NXN: variants seen among roughly 807,000 people sequenced by gnomAD.
NXN encodes the protein nucleoredoxin 1.
NXN carries 16 observed loss-of-function variants against 48.6 expected under a neutral mutation model. The ratio of observed to expected loss-of-function variants is 0.33; its 90% CI spans 0.22 to 0.50. NXN has a LOEUF of 0.50. Among genes scored for constraint, NXN ranks in the 20% least tolerant of loss-of-function variants. NXN has a pLI of 0.98. For missense variants in NXN, 492 were observed against 605.5 expected, an observed-to-expected ratio of 0.81 and a Z score of 1.97; for synonymous variants, 281 against 269.6, an observed-to-expected ratio of 1.04 and a Z score of -0.41.
intron 1 of NXN, among the ~76,000 whole-genome samples, chr17:946,234 TCCCTGCTCACTGCAAGCTCCGCCTCCC>T (rs1567513819): frequency 4.8e-5 from 3 of 62,858 alleles, no homozygotes; most frequent in East Asian, 8.2e-4. Context: ...CTCCCGGGGA[TCCCTGCTCACTGCAAGCTCCGCCTCCC>T]GGGTTCAAGC....
chr17:838,123 C>CTTATTTTT (rs1196301886), intron 1 of NXN, among the ~76,000 whole-genome samples: 4 of 125,928 alleles, frequency 3.2e-5, no homozygotes, highest in East Asian at 2.9e-4. Context: ...TTTTCCTTTC[C>CTTATTTTT]TTCTTTTTTT....
chr17:805,988 C>T (rs911157313), intron 5 of NXN, among the ~76,000 whole-genome samples: 1 of 152,132 alleles, frequency 6.6e-6, no homozygotes, highest in Non-Finnish European at 1.5e-5. Flanking sequence ...ACACGGCGGA[C>T]TTGCTGTGGC....
intron 1 of NXN, among the ~76,000 whole-genome samples, chr17:931,790 ACG>A (rs2068856836): frequency 1.5e-5 from 2 of 136,950 alleles, no homozygotes; most frequent in Admixed American, 7.6e-5. Flanking sequence ...AGCTGAGATC[ACG>A]CCACTGCACT....
intron 1 of NXN, among the ~76,000 whole-genome samples, chr17:904,697 T>C: frequency 6.6e-6 from 1 of 152,046 alleles, no homozygotes; most frequent in Non-Finnish European, 1.5e-5. Flanking sequence ...GCGCATGCAA[T>C]CACATCCAGC....
At chr17:959,047 T>C (rs1370592165) in intron 1 of NXN, 2 of 273,256 alleles carry the variant, frequency 7.3e-6, no homozygotes, top group African/African-American at 2.2e-5. Flanking sequence ...GTGGCCGCGG[T>C]GTGGTCACTG....
chr17:926,578 C>T (rs1452427050), intron 1 of NXN, among the ~76,000 whole-genome samples: 6 of 147,198 alleles, frequency 4.1e-5, no homozygotes, highest in African/African-American at 1.5e-4. Context: ...CAAGGTCTGG[C>T]TCTATCGCCC....
chr17:944,421 C>T (rs569362650), intron 1 of NXN, among the ~76,000 whole-genome samples: 1 of 152,280 alleles, frequency 6.6e-6, no homozygotes, highest in Admixed American at 6.5e-5. Flanking sequence ...TACCCCCGTC[C>T]GAGGACTGCC....
intron 1 of NXN, among the ~76,000 whole-genome samples, chr17:879,370 G>A (rs951368388): frequency 6.7e-6 from 1 of 149,022 alleles, no homozygotes; most frequent in African/African-American, 2.5e-5. Context: ...GCTCACTATA[G>A]CCTCCGTCTC....
At chr17:882,869 TCTC>T (rs1487194115) in intron 1 of NXN, among the ~76,000 whole-genome samples, 1 of 152,068 alleles carries the variant, frequency 6.6e-6, no homozygotes, top group African/African-American at 2.4e-5. Context: ...TTCAAGCGAT[TCTC>T]TTGCCTCAGC....
intron 1 of NXN, among the ~76,000 whole-genome samples, chr17:904,132 C>G (rs2068561102): frequency 6.6e-6 from 1 of 152,206 alleles, no homozygotes; most frequent in Non-Finnish European, 1.5e-5. Flanking sequence ...CTGAATAAGG[C>G]CAAACTCTGT....
Position 979,635 on chromosome 17 carries a change from G to A in NXN, c.44C>T (p.Thr15Met). Residue 15 changes from threonine to methionine, a missense_variant, in exon 1 of 8, where the codon ACG becomes ATG. This residue lies in a region of NXN where 186 missense variants were observed against 199.1 expected (regional missense o/e 0.93). Transcript: ENST00000336868. ...LEELLGEKLV[T>M]GGGEEVDVHS... ...CACGTCCACCTCCTCGCCGCCGCCC[G>A]TCACCAGCTTCTCGCCGAGCAGCTC... is the stretch of plus-strand genomic sequence containing the variant. The A allele has an allele frequency of 3.4e-6, 5 of 1,468,912 alleles. No homozygotes were observed. The highest frequency in any genetic ancestry group is 2.9e-5 in the East Asian group (1 of 34,776). The allele number at this position is 1,468,912 out of a possible 1,614,324, so 91.0% of individuals were successfully genotyped here. A position where few individuals can be genotyped will look rare whatever the true frequency, so the allele number is the denominator to read the frequency against.
chr17:813,110 G>C (rs898834477), intron 5 of NXN, among the ~76,000 whole-genome samples: 1 of 152,212 alleles, frequency 6.6e-6, no homozygotes, highest in Non-Finnish European at 1.5e-5. Flanking sequence ...CCGTAACCAC[G>C]GAATCACACA....
intron 1 of NXN, among the ~76,000 whole-genome samples, chr17:887,478 G>A (rs1022515459): frequency 5.3e-5 from 8 of 152,106 alleles, no homozygotes; most frequent in African/African-American, 7.2e-5. Context: ...CCACATTCTC[G>A]GAGATTTTCC....
chr17:823,523 C>G (rs551946677), intron 3 of NXN, 109 bp downstream of exon 3: 42 of 1,295,156 alleles, frequency 3.2e-5, no homozygotes, highest in Non-Finnish European at 4.3e-5. Flanking sequence ...GCCAGAAGGC[C>G]GGGAAATTCC....
chr17:861,094 T>A (rs141189981), intron 1 of NXN, among the ~76,000 whole-genome samples: 1 of 152,084 alleles, frequency 6.6e-6, no homozygotes, highest in Non-Finnish European at 1.5e-5. Context: ...GTGCAACATA[T>A]CAGTATCAAC....
intron 1 of NXN, among the ~76,000 whole-genome samples, chr17:834,466 G>A (rs1161195500): frequency 6.6e-6 from 1 of 151,930 alleles, no homozygotes; most frequent in Non-Finnish European, 1.5e-5. Context: ...CCAGGCTGGA[G>A]TGCAATGGTG....
intron 1 of NXN, among the ~76,000 whole-genome samples, chr17:923,111 C>G (rs900066179): frequency 6.6e-6 from 1 of 152,138 alleles, no homozygotes; most frequent in African/African-American, 2.4e-5. Context: ...ACAGCATTAT[C>G]CACGAGTTCA....
chr17:837,572 T>G (rs892815242), intron 1 of NXN, among the ~76,000 whole-genome samples: 1 of 152,204 alleles, frequency 6.6e-6, no homozygotes, highest in Admixed American at 6.5e-5. Context: ...ACTTAATGGC[T>G]TTTTCATGAC....
chr17:935,462 C>T (rs78784843), intron 1 of NXN, among the ~76,000 whole-genome samples: 4,364 of 152,154 alleles, frequency 0.029, 105 homozygotes, highest in Middle Eastern at 0.071. Flanking sequence ...TCATGGCCGG[C>T]GGGACAAGGA....
Sources: allele counts gnomAD v4.1 joint callset (sites outside exome capture counted in the v4.1 genomes callset), GRCh38; gene constraint gnomAD v4.1.1; regional missense constraint gnomAD v4.1.1; transcripts MANE v1.5; gene names NCBI Gene and HGNC (gene_info 2026-07-23, HGNC 2026-07-21).